HOOK3: variants seen among roughly 807,000 people sequenced by gnomAD.
HOOK3 encodes protein Hook homolog 3.
Under a neutral mutation model 116.3 loss-of-function variants are expected in HOOK3, and 24 were observed. That is an observed-to-expected ratio of 0.21 (90% CI 0.15 to 0.29). The LOEUF (loss-of-function observed/expected upper bound fraction) is 0.29, where lower values mean the gene tolerates loss of function less well. Among genes scored for constraint, HOOK3 ranks in the 10% least tolerant of loss-of-function variants. HOOK3 has a pLI of 1.00. For missense variants in HOOK3, 632 were observed against 830.2 expected (o/e 0.76, Z 2.93); for synonymous variants, 275 against 283.0 (o/e 0.97, Z 0.28).
intron 15 of HOOK3, among the ~76,000 whole-genome samples, chr8:42,993,649 G>A (rs1809210879): frequency 6.6e-6 from 1 of 152,108 alleles, no homozygotes; most frequent in Non-Finnish European, 1.5e-5. Context: ...GCCTTTATTG[G>A]TAGACTTTTT....
rs116907277 is a variant in HOOK3, at chr8:42,953,407, T to C, written c.468+2952T>C. Among the ~76,000 whole-genome samples the C allele has an allele frequency of 3.1e-3, 463 of 151,780 alleles. 2 individuals are homozygous for C. The highest frequency in any genetic ancestry group is 4.9e-3 in the Non-Finnish European group (332 of 67,924). On this transcript the variant is annotated intron_variant, in intron 6 of 21. Transcript: ENST00000307602. ...AGTGAAACCCTGTCTGTACTCAAAATACAAATATTAGCCGGGCGTGGTGGC... is the reference window on the plus strand; with the variant it reads ...AGTGAAACCCTGTCTGTACTCAAAACACAAATATTAGCCGGGCGTGGTGGC...
Position 43,029,249 on chromosome 8 carries a change from A to G in HOOK3, c.*10751A>G. ...ACTGCAACCTCCGCCTCCCAGGTTC[A>G]AGCTATTCTCCTGCCTCAGCCTCCC... On this transcript the variant is annotated 3_prime_UTR_variant, in exon 22 of 22. Transcript: ENST00000307602. The G allele has an allele frequency of 6.0e-6, 1 of 166,522 alleles. No homozygotes were observed. The highest frequency in any genetic ancestry group is 1.3e-5 in the Non-Finnish European group (1 of 76,382). The allele number at this position is 166,522 out of a possible 1,614,324, so 10.3% of individuals were successfully genotyped here.
rs1301988935 is a variant in HOOK3, at chr8:43,030,327, C to T, written c.*11829C>T. 3 of 184,376 alleles carry T rather than the reference C, an allele frequency of 1.6e-5. No homozygotes were observed. Among genetic ancestry groups the T allele is most frequent in the East Asian group, 1.8e-4 (2 of 11,344 alleles). 11.4% of individuals were successfully genotyped at this position (184,376 alleles called of 1,614,324 possible). On this transcript the variant is annotated 3_prime_UTR_variant, in exon 22 of 22. Coordinates refer to ENST00000307602, the MANE Select transcript of HOOK3 (RefSeq NM_032410.4). ...TTGTATTTCCTTTTGATATCATTTA[C>T]TCATTTTAATTTTACGACTGCCAAC...
At chr8:42,897,252 C>T in intron 1 of HOOK3, 64 bp downstream of exon 1, 17 of 1,129,304 alleles carry the variant, frequency 1.5e-5, no homozygotes, top group Non-Finnish European at 1.9e-5. Flanking sequence ...GGACCCTCCA[C>T]GCGCGGCCCG....
At position 43,026,159 on chromosome 8, in the gene HOOK3, A is replaced by G. The variant is rs957223073; in HGVS notation, c.*7661A>G. The G allele has an allele frequency of 2.4e-5, 5 of 205,112 alleles. No homozygotes were observed. Among genetic ancestry groups the G allele is most frequent in the Admixed American group, 1.2e-4 (2 of 16,704 alleles). The allele number at this position is 205,112 out of a possible 1,614,324, so 12.7% of individuals were successfully genotyped here. A position where few individuals can be genotyped will look rare whatever the true frequency, so the allele number is the denominator to read the frequency against. Reference sequence around the variant, plus strand: ...ATTACTTTAGCAGTTATGTTGTAAAATTAATAAAAAGGACTCATGTTTATT... The same window carrying G: ...ATTACTTTAGCAGTTATGTTGTAAAGTTAATAAAAAGGACTCATGTTTATT... On this transcript the variant is annotated 3_prime_UTR_variant, in exon 22 of 22. Coordinates refer to ENST00000307602, the MANE Select transcript of HOOK3 (RefSeq NM_032410.4).
chr8:42,971,038 C>G lies in HOOK3; in HGVS notation c.1123-2251C>G, dbSNP rs538550445. Among the ~76,000 whole-genome samples the G allele has an allele frequency of 2.0e-5, 3 of 152,004 alleles. No individual in the cohort carries two copies. In the South Asian group the frequency reaches 6.2e-4, roughly 31 times the overall value. On this transcript the variant is annotated intron_variant, in intron 11 of 21. Coordinates refer to ENST00000307602, the MANE Select transcript of HOOK3 (RefSeq NM_032410.4). ...CTGGGCTCAAGACATCCTCCTGCCT[C>G]GGCCTCCCAAAGTGCTGGGATTATA... is the stretch of plus-strand genomic sequence containing the variant.
At chr8:42,932,212 A>C (rs1433133403) in intron 4 of HOOK3, among the ~76,000 whole-genome samples, 1 of 152,222 alleles carries the variant, frequency 6.6e-6, no homozygotes, top group Non-Finnish European at 1.5e-5. Context: ...GATACATATG[A>C]ATGCGAACAT....
Position 43,018,475 on chromosome 8 carries a change from G to T in HOOK3, c.2134G>T (p.Val712Leu). 2 of 1,612,566 alleles carry T rather than the reference G, an allele frequency of 1.2e-6. No individual in the cohort carries two copies. Among genetic ancestry groups the T allele is most frequent in the Non-Finnish European group, 1.7e-6 (2 of 1,179,614 alleles). The change falls in exon 22 of 22, where the codon GTG (valine) becomes TTG (leucine). Residue 712 changes from valine (V) to leucine (L), a missense_variant. Transcript: ENST00000307602. ...TSSRRSYPGH[V>L]QPATAR The stretch of plus-strand genomic sequence containing the variant: ...CAGCAGAAGATCATACCCAGGCCAC[G>T]TGCAGCCGGCCACAGCAAGGTAGAG...
chr8:42,973,647 C>T (rs1288875914), intron 12 of HOOK3, among the ~76,000 whole-genome samples: 1 of 152,134 alleles, frequency 6.6e-6, no homozygotes, highest in East Asian at 1.9e-4. Flanking sequence ...CTGTTGCCTC[C>T]TTTACGTTGT....
At chr8:43,012,252 A>G (rs918041998) in intron 19 of HOOK3, among the ~76,000 whole-genome samples, 3 of 152,254 alleles carry the variant, frequency 2.0e-5, no homozygotes, top group Admixed American at 6.5e-5. Flanking sequence ...ACTGTATGCT[A>G]TAGTTTAGTA....
chr8:43,001,043 G>A (rs999245596), intron 16 of HOOK3: 2 of 152,066 alleles, frequency 1.3e-5, no homozygotes, highest in Admixed American at 6.5e-5. Context: ...GGTGGGAGGA[G>A]GATCACTGAG....
Position 42,997,569 on chromosome 8 carries a change from C to A in HOOK3, c.1552C>A (p.Leu518Met), listed in dbSNP as rs764965039. 6.2e-7 allele frequency: 1 copy of A among 1,608,294 alleles called. No homozygotes were observed. The highest frequency in any genetic ancestry group is 1.1e-5 in the South Asian group (1 of 90,030). ...TTCTAGGCTGGTGAATCAAAGACTTCTGGAAGTACAGTCACAAGTTGAAGA... is the reference window on the plus strand; with the variant it reads ...TTCTAGGCTGGTGAATCAAAGACTTATGGAAGTACAGTCACAAGTTGAAGA... ...TENRLVNQRL[L>M]EVQSQVEELQ... The change falls in exon 16 of 22, where the codon CTG becomes ATG. Residue 518 changes from leucine to methionine, a missense_variant. Coordinates refer to ENST00000307602, the MANE Select transcript of HOOK3 (RefSeq NM_032410.4).
intron 17 of HOOK3, among the ~76,000 whole-genome samples, chr8:43,006,756 A>G (rs1809499058): frequency 6.6e-6 from 1 of 152,230 alleles, no homozygotes; most frequent in Non-Finnish European, 1.5e-5. Flanking sequence ...TTATTGAGAA[A>G]GAAAAAGGTT....
chr8:43,005,184 T>G (rs1291369368), intron 17 of HOOK3, among the ~76,000 whole-genome samples: 3 of 44,464 alleles, frequency 6.7e-5, no homozygotes, highest in East Asian at 9.3e-4. Context: ...TTAAGTGCTC[T>G]CTCTCTCTCT....
intron 15 of HOOK3, among the ~76,000 whole-genome samples, chr8:42,987,023 A>G (rs1809061188): frequency 6.6e-6 from 1 of 152,140 alleles, no homozygotes; most frequent in Non-Finnish European, 1.5e-5. Context: ...TTAGCCAGGC[A>G]TGGTGGTGCA....
chr8:42,938,924 G>A (rs1186180526), intron 4 of HOOK3, among the ~76,000 whole-genome samples: 2 of 152,090 alleles, frequency 1.3e-5, no homozygotes, highest in African/African-American at 2.4e-5. Context: ...GACTCTTAAC[G>A]AGCATGCTGC....
At chr8:42,919,997 C>T (rs563380175) in intron 2 of HOOK3, among the ~76,000 whole-genome samples, 1 of 151,340 alleles carries the variant, frequency 6.6e-6, no homozygotes, top group African/African-American at 2.4e-5. Flanking sequence ...AGACAATATA[C>T]TTCTGGAATT....
At chr8:42,912,044 G>A (rs1190576397) in intron 2 of HOOK3, among the ~76,000 whole-genome samples, 1 of 152,190 alleles carries the variant, frequency 6.6e-6, no homozygotes. Flanking sequence ...GAAAAAATGT[G>A]TACCCTGAGC....
intron 14 of HOOK3, among the ~76,000 whole-genome samples, chr8:42,983,376 G>A (rs1451497168): frequency 6.6e-6 from 1 of 151,352 alleles, no homozygotes; most frequent in African/African-American, 2.4e-5. Flanking sequence ...CACACGGAAA[G>A]GTCTGGGAAA....
Sources: allele counts gnomAD v4.1 joint callset (sites outside exome capture counted in the v4.1 genomes callset), GRCh38; gene constraint gnomAD v4.1.1; transcripts MANE v1.5; gene names NCBI Gene and HGNC (gene_info 2026-07-23, HGNC 2026-07-21).